FAM135B: variants seen among roughly 807,000 people sequenced by gnomAD.
FAM135B encodes family with sequence similarity 135 member B.
Under a neutral mutation model 127.7 loss-of-function variants are expected in FAM135B, and 43 were observed. The ratio of observed to expected loss-of-function variants is 0.34; its 90% CI spans 0.26 to 0.43. The LOEUF (loss-of-function observed/expected upper bound fraction) is 0.43, where lower values mean the gene tolerates loss of function less well. FAM135B is among the 20% of genes least tolerant of loss of function. The pLI is 1.00. For missense variants in FAM135B, 1,558 were observed against 1,725.6 expected, an observed-to-expected ratio of 0.90 and a Z score of 1.72; for synonymous variants, 670 against 665.1, an observed-to-expected ratio of 1.01 and a Z score of -0.11.
chr8:138,140,662 TATGC>T, intron 17 of FAM135B, among the ~76,000 whole-genome samples: 1 of 151,904 alleles, frequency 6.6e-6, no homozygotes, highest in East Asian at 1.9e-4. Context: ...CATATGCACA[TATGC>T]ACCTACACAC....
chr8:138,220,250 C>A (rs1360758767), intron 7 of FAM135B, among the ~76,000 whole-genome samples: 1 of 152,176 alleles, frequency 6.6e-6, no homozygotes, highest in Non-Finnish European at 1.5e-5. Context: ...GGTCACCTTT[C>A]TAGCCAGGAG....
At chr8:138,226,146 C>T (rs1423078333) in intron 7 of FAM135B, among the ~76,000 whole-genome samples, 2 of 111,376 alleles carry the variant, frequency 1.8e-5, no homozygotes, top group African/African-American at 3.7e-5. Flanking sequence ...TTCTGGGGAC[C>T]CACCGTGTGT....
intron 5 of FAM135B, among the ~76,000 whole-genome samples, chr8:138,252,188 C>A (rs1170714667): frequency 1.3e-5 from 2 of 152,180 alleles, no homozygotes; most frequent in Admixed American, 6.5e-5. Flanking sequence ...TTAATTCAGG[C>A]TACAATTTGT....
At chr8:138,264,592 A>G (rs1822776018) in intron 4 of FAM135B, among the ~76,000 whole-genome samples, 1 of 152,210 alleles carries the variant, frequency 6.6e-6, no homozygotes, top group Admixed American at 6.5e-5. Context: ...AATATTAGAA[A>G]ACAAGTCCAA....
intron 1 of FAM135B, among the ~76,000 whole-genome samples, chr8:138,398,690 G>C (rs550008096): frequency 1.3e-5 from 2 of 152,170 alleles, no homozygotes; most frequent in Non-Finnish European, 2.9e-5. Context: ...CCTCCAAAGA[G>C]GGGGGCATCG....
At chr8:138,161,625 C>CT (rs1819401310) in intron 12 of FAM135B, among the ~76,000 whole-genome samples, 1 of 152,168 alleles carries the variant, frequency 6.6e-6, no homozygotes, top group East Asian at 1.9e-4. Flanking sequence ...CACTACATAG[C>CT]TAACTGCAGG....
At chr8:138,197,170 C>T (rs4416868) in intron 8 of FAM135B, among the ~76,000 whole-genome samples, 33,467 of 150,264 alleles carry the variant, frequency 0.22, 4,343 homozygotes, top group Admixed American at 0.33. Flanking sequence ...GTTACAATTC[C>T]ATAATTACAG....
intron 12 of FAM135B, among the ~76,000 whole-genome samples, chr8:138,158,628 A>G (rs1409806411): frequency 2.0e-5 from 3 of 152,216 alleles, no homozygotes; most frequent in African/African-American, 7.2e-5. Flanking sequence ...AAAAGTGGGC[A>G]AAGGGTATGA....
intron 2 of FAM135B, among the ~76,000 whole-genome samples, chr8:138,361,777 C>G (rs955357117): frequency 3.3e-5 from 5 of 152,156 alleles, no homozygotes; most frequent in Non-Finnish European, 2.9e-5. Context: ...ATTCTGATAT[C>G]CAGGTCCCTT....
chr8:138,465,497 T>C (rs1837336730), intron 1 of FAM135B, among the ~76,000 whole-genome samples: 1 of 152,222 alleles, frequency 6.6e-6, no homozygotes, highest in African/African-American at 2.4e-5. Context: ...GCTGCCTCTC[T>C]AAAATCCTCT....
Position 138,152,974 on chromosome 8 carries a change from A to G in FAM135B, c.1501T>C (p.Tyr501His), listed in dbSNP as rs2130787476. 1 of 1,614,204 alleles carries G rather than the reference A, an allele frequency of 6.2e-7. No homozygotes were observed. Among genetic ancestry groups the G allele is most frequent in the Non-Finnish European group, 8.5e-7 (1 of 1,180,034 alleles). The part of the protein sequence containing the change: ...HMDMCSESQV[Y>H]ISIGEFQNKA... ...TTTTGAAATTCACCAATTGATATATACACCTGAGATTCAGAGCACATGTCC... is the reference window on the plus strand; with the variant it reads ...TTTTGAAATTCACCAATTGATATATGCACCTGAGATTCAGAGCACATGTCC... Residue 501 changes from tyrosine (Y) to histidine (H), a missense_variant, in exon 13 of 20, where the codon TAT (tyrosine) becomes CAT (histidine). By Grantham distance (83) the Tyr-to-His change is moderately conservative. This residue lies in a region of FAM135B where 923 missense variants were observed against 865.3 expected (regional missense o/e 1.07). Coordinates refer to ENST00000395297, the MANE Select transcript of FAM135B (RefSeq NM_015912.4).
chr8:138,330,319 TTCTTTG>T (rs1386193547), intron 2 of FAM135B, among the ~76,000 whole-genome samples: 1 of 152,160 alleles, frequency 6.6e-6, no homozygotes, highest in Non-Finnish European at 1.5e-5. Context: ...TCCCTGGGCT[TTCTTTG>T]TCTTTGAGTA....
intron 3 of FAM135B, among the ~76,000 whole-genome samples, chr8:138,269,291 AC>A (rs1328474203): frequency 6.6e-6 from 1 of 152,204 alleles, no homozygotes; most frequent in Non-Finnish European, 1.5e-5. Context: ...AATACAAAAT[AC>A]AGGTATTATT....
chr8:138,294,049 T>C (rs1335427927), intron 3 of FAM135B, among the ~76,000 whole-genome samples: 1 of 152,134 alleles, frequency 6.6e-6, no homozygotes, highest in Non-Finnish European at 1.5e-5. Flanking sequence ...ATCCACACCA[T>C]GGAATACTAC....
intron 1 of FAM135B, among the ~76,000 whole-genome samples, chr8:138,479,088 G>T (rs1265069978): frequency 6.6e-6 from 1 of 152,112 alleles, no homozygotes; most frequent in Non-Finnish European, 1.5e-5. Context: ...TATAACAAAG[G>T]ATGCAACTCA....
chr8:138,140,623 T>C (rs1381354514), intron 17 of FAM135B, among the ~76,000 whole-genome samples: 1 of 148,802 alleles, frequency 6.7e-6, no homozygotes, highest in East Asian at 2.0e-4. Flanking sequence ...TTCCTTCCCC[T>C]GTGTAATCTT....
chr8:138,378,767 T>TA (rs1387408999), intron 1 of FAM135B, among the ~76,000 whole-genome samples: 1 of 151,620 alleles, frequency 6.6e-6, no homozygotes, highest in East Asian at 1.9e-4. Context: ...ACAGTGCAAA[T>TA]AGAAGCATCC....
At chr8:138,462,740 G>T (rs1439119996) in intron 1 of FAM135B, among the ~76,000 whole-genome samples, 1 of 152,168 alleles carries the variant, frequency 6.6e-6, no homozygotes, top group East Asian at 1.9e-4. Context: ...AGGGAATTAT[G>T]CATCTGGCAA....
intron 11 of FAM135B, among the ~76,000 whole-genome samples, chr8:138,175,714 G>A (rs1268320218): frequency 1.1e-5 from 1 of 91,544 alleles, no homozygotes; most frequent in East Asian, 4.5e-3. Context: ...ACATTTATGA[G>A]ATTACTACCC....
Sources: gnomAD v4.1 joint callset for allele counts (sites outside exome capture counted in the v4.1 genomes callset) on GRCh38, gnomAD v4.1.1 for gene constraint, gnomAD v4.1.1 regional missense constraint, MANE v1.5 for transcripts, NCBI Gene and HGNC (gene_info 2026-07-23, HGNC 2026-07-21) for gene names.